KCNAB1: variants seen among roughly 807,000 people sequenced by gnomAD.
KCNAB1 encodes voltage-gated potassium channel subunit beta-1.
KCNAB1 carries 35 observed loss-of-function variants against 64.6 expected under a neutral mutation model. The ratio of observed to expected loss-of-function variants is 0.54; its 90% confidence interval spans 0.41 to 0.72. The LOEUF (loss-of-function observed/expected upper bound fraction) is 0.72. Among genes scored for constraint, KCNAB1 ranks in the 30% least tolerant of loss-of-function variants. The pLI is 0.00. For synonymous variants in KCNAB1, 177 were observed against 183.8 expected, an observed-to-expected ratio of 0.96 and a Z score of 0.30; for missense variants, 401 against 512.9, an observed-to-expected ratio of 0.78 and a Z score of 2.11.
intron 1 of KCNAB1, among the ~76,000 whole-genome samples, chr3:156,242,272 GTTATTC>G (rs1717203376): frequency 6.6e-6 from 1 of 152,072 alleles, no homozygotes; most frequent in East Asian, 1.9e-4. Context: ...TGGTGCTTCT[GTTATTC>G]TTTATTTTAA....
At chr3:156,149,919 G>A (rs763626060) in intron 1 of KCNAB1, among the ~76,000 whole-genome samples, 1 of 152,156 alleles carries the variant, frequency 6.6e-6, no homozygotes, top group Non-Finnish European at 1.5e-5. Context: ...ACTCAGACCT[G>A]CTTGAAAAGT....
intron 1 of KCNAB1, among the ~76,000 whole-genome samples, chr3:156,232,213 CCCTT>C (rs1319377602): frequency 6.6e-6 from 1 of 152,176 alleles, no homozygotes; most frequent in Non-Finnish European, 1.5e-5. Flanking sequence ...CCTAACCCCT[CCCTT>C]CATACAAACT....
At chr3:156,145,351 T>G (rs1394900821) in intron 1 of KCNAB1, among the ~76,000 whole-genome samples, 1 of 152,184 alleles carries the variant, frequency 6.6e-6, no homozygotes, top group African/African-American at 2.4e-5. Flanking sequence ...CCCAATGTCC[T>G]TAGTGCTCTG....
At chr3:156,357,867 G>GGTGA (rs137905316) in intron 1 of KCNAB1, among the ~76,000 whole-genome samples, 18,075 of 149,578 alleles carry the variant, frequency 0.12, 2,894 homozygotes, top group African/African-American at 0.37. Context: ...TTCAAAATCT[G>GGTGA]GTATTTTGTA....
At chr3:156,384,253 C>T (rs1455686478) in intron 1 of KCNAB1, among the ~76,000 whole-genome samples, 5 of 152,210 alleles carry the variant, frequency 3.3e-5, no homozygotes, top group African/African-American at 1.2e-4. Flanking sequence ...TGCTTCACCA[C>T]CGTCTTTTTA....
At chr3:156,289,908 C>T (rs532238046) in intron 1 of KCNAB1, among the ~76,000 whole-genome samples, 1 of 152,232 alleles carries the variant, frequency 6.6e-6, no homozygotes, top group Non-Finnish European at 1.5e-5. Flanking sequence ...AACCTGGCAA[C>T]CCCTGGGATC....
chr3:156,531,758 CCAGGCCT>C (rs1310797686), intron 13 of KCNAB1, among the ~76,000 whole-genome samples: 1 of 152,224 alleles, frequency 6.6e-6, no homozygotes, highest in Non-Finnish European at 1.5e-5. Context: ...AACTGACTTC[CCAGGCCT>C]CGCCATAAAA....
chr3:156,415,933 G>A (rs547258495), intron 1 of KCNAB1, among the ~76,000 whole-genome samples: 3 of 152,122 alleles, frequency 2.0e-5, no homozygotes, highest in South Asian at 4.2e-4. Context: ...ATCCAAAACC[G>A]TTGTTCCCCC....
chr3:156,260,195 A>G (rs971879269), intron 1 of KCNAB1, among the ~76,000 whole-genome samples: 1 of 152,126 alleles, frequency 6.6e-6, no homozygotes, highest in African/African-American at 2.4e-5. Context: ...TGTAAAGGAA[A>G]TCTGGGGCCT....
intron 1 of KCNAB1, among the ~76,000 whole-genome samples, chr3:156,352,882 G>T (rs1237489665): frequency 6.6e-6 from 1 of 152,262 alleles, no homozygotes; most frequent in Non-Finnish European, 1.5e-5. Context: ...TGCACAGTGG[G>T]AAGTTCGCTA....
At chr3:156,297,259 CTTTT>C (rs71141704) in intron 1 of KCNAB1, among the ~76,000 whole-genome samples, 17 of 96,466 alleles carry the variant, frequency 1.8e-4, no homozygotes, top group Non-Finnish European at 3.3e-4. Flanking sequence ...TTGAGGTTGG[CTTTT>C]TTTTTTTTTT....
chr3:156,190,292 A>G (rs1205229925), intron 1 of KCNAB1, among the ~76,000 whole-genome samples: 1 of 152,194 alleles, frequency 6.6e-6, no homozygotes. Flanking sequence ...TACCGCTAGG[A>G]CCAGTAGACT....
intron 1 of KCNAB1, among the ~76,000 whole-genome samples, chr3:156,358,040 A>G (rs1725374177): frequency 6.6e-6 from 1 of 152,088 alleles, no homozygotes; most frequent in African/African-American, 2.4e-5. Context: ...ATTAAATAAT[A>G]TTAAAAATTC....
chr3:156,183,114 G>C (rs1272886632), intron 1 of KCNAB1, among the ~76,000 whole-genome samples: 1 of 152,174 alleles, frequency 6.6e-6, no homozygotes, highest in Non-Finnish European at 1.5e-5. Context: ...CATGGAGAGA[G>C]ATGAGACCAT....
rs148851102 is a variant in KCNAB1 at position 156,448,280 on chromosome 3, T to C, written c.320-4619T>C. Among the ~76,000 whole-genome samples, 243 of 152,318 alleles carry C rather than the reference T, an allele frequency of 1.6e-3. 1 individual carries two copies. In the East Asian group the frequency reaches 0.038, roughly 24 times the overall value. On this transcript the variant is annotated intron_variant, in intron 2 of 13. Transcript: ENST00000490337. ...AATTTGAGATTACACAGTGAAATAA[T>C]TGTATGCCATTCTAGGTCTCAGGAA...
chr3:156,516,128 AT>A (rs1717542817), intron 10 of KCNAB1, 141 bp from the exon 11 acceptor site: 1 of 579,198 alleles, frequency 1.7e-6, no homozygotes, highest in Admixed American at 3.1e-5. Flanking sequence ...ATGGAAAAAA[AT>A]GCATGCTGAT....
chr3:156,241,952 A>G (rs994263126), intron 1 of KCNAB1, among the ~76,000 whole-genome samples: 2 of 152,164 alleles, frequency 1.3e-5, no homozygotes, highest in Non-Finnish European at 2.9e-5. Context: ...AATTTTGAAA[A>G]TCTTTCTTTT....
chr3:156,248,638 C>T (rs1717616972), intron 1 of KCNAB1, among the ~76,000 whole-genome samples: 1 of 152,072 alleles, frequency 6.6e-6, no homozygotes, highest in African/African-American at 2.4e-5. Context: ...AATCTCATTG[C>T]ATATAAATGA....
At chr3:156,171,187 G>GCACACA (rs147202221) in intron 1 of KCNAB1, among the ~76,000 whole-genome samples, 14,310 of 142,600 alleles carry the variant, frequency 0.1, 922 homozygotes, top group East Asian at 0.19. Context: ...GAAACTTCAC[G>GCACACA]CACACATACA....
Sources: allele counts gnomAD v4.1 joint callset (sites outside exome capture counted in the v4.1 genomes callset), GRCh38; gene constraint gnomAD v4.1.1; transcripts MANE v1.5; gene names NCBI Gene and HGNC (gene_info 2026-07-23, HGNC 2026-07-21).